The following TGIF1 variants were observed in gnomAD, a reference collection of about 807,000 sequenced individuals.
The protein encoded by TGIF1 is TGFB induced factor homeobox 1, also known as homeobox protein TGIF1.
A neutral mutation model predicts 19.3 loss-of-function variants in TGIF1; 4 were observed. The ratio of observed to expected loss-of-function variants is 0.21; its 90% CI spans 0.10 to 0.47. The LOEUF (loss-of-function observed/expected upper bound fraction) is 0.47, where lower values mean the gene tolerates loss of function less well. Ranked by LOEUF, TGIF1 falls within the 20% of genes least tolerant of loss-of-function variation. The pLI, the probability that TGIF1 is intolerant of heterozygous loss-of-function variation, is 0.98. For synonymous variants in TGIF1, 122 were observed against 129.3 expected (o/e 0.94, Z 0.38); for missense variants, 275 against 341.4 (o/e 0.81, Z 1.53).
chr18:3,451,485 T>C lies in TGIF1; in HGVS notation c.16+980T>C. ...CTGTGGGCTGGAGGTGGCGTTTCTGTCGTGATTTATGTGGAGTGGTTCAAA... is the reference window on the plus strand; with the variant it reads ...CTGTGGGCTGGAGGTGGCGTTTCTGCCGTGATTTATGTGGAGTGGTTCAAA... On this transcript the variant is annotated intron_variant, in intron 1 of 2. Coordinates refer to ENST00000343820, the MANE Select transcript of TGIF1 (RefSeq NM_003244.4). This position sits in a 1 kb window ranked among gnomAD's most constrained non-coding sequence, Gnocchi z 5.4. 1 of 988,206 alleles carries C rather than the reference T, an allele frequency of 1.0e-6. No homozygotes were observed. The highest frequency in any genetic ancestry group is 1.2e-6 in the Non-Finnish European group (1 of 831,974). The allele number at this position is 988,206 out of a possible 1,614,324, so 61.2% of individuals were successfully genotyped here. A position where few individuals can be genotyped will look rare whatever the true frequency, so the allele number is the denominator to read the frequency against.
At chr18:3,440,152 A>G (rs575976337) in intron 2 of TGIF1, among the ~76,000 whole-genome samples, 1 of 152,202 alleles carries the variant, frequency 6.6e-6, no homozygotes, top group South Asian at 2.1e-4. Flanking sequence ...GAAGTTTGAG[A>G]CCAGGCTGGC....
At position 3,420,982 on chromosome 18, in the gene TGIF1, C is replaced by T. The variant is rs542009573; in HGVS notation, c.-45+2767C>T. On this transcript the variant is annotated intron_variant, in intron 2 of 3. Transcript: ENST00000401449. The stretch of plus-strand genomic sequence containing the variant: ...ATGGGATGTGAGGAGAAATTATATA[C>T]AGTCATGTACCTCATAACATTTTGG... 4.6e-5 allele frequency among the ~76,000 whole-genome samples: 7 copies of T among 152,232 alleles called. No homozygotes were observed. In the South Asian group the frequency reaches 1.4e-3, roughly 32 times the overall value.
In TGIF1 at chr18:3,458,149, T is replaced by A; in HGVS notation, c.*209T>A. ...CTGTAGAAACAAAGGGTTTTCTTTT[T>A]TAAATGTTTCTTGGTAGATTATTCA... On this transcript the variant is annotated 3_prime_UTR_variant, in exon 3 of 3. Coordinates refer to ENST00000343820, the MANE Select transcript of TGIF1 (RefSeq NM_003244.4). The A allele has an allele frequency of 1.8e-6, 1 of 555,974 alleles. No individual in the cohort carries two copies. The highest frequency in any genetic ancestry group is 2.4e-5 in the South Asian group (1 of 41,678). 34.4% of individuals were successfully genotyped at this position (555,974 alleles called of 1,614,324 possible).
At chr18:3,428,492 C>T (rs2082502815) in intron 2 of TGIF1, among the ~76,000 whole-genome samples, 1 of 152,018 alleles carries the variant, frequency 6.6e-6, no homozygotes, top group Non-Finnish European at 1.5e-5. Flanking sequence ...AATCCCAGCA[C>T]TTTAGGAGGC....
intron 2 of TGIF1, among the ~76,000 whole-genome samples, chr18:3,439,697 G>A (rs1401685107): frequency 1.3e-5 from 2 of 151,888 alleles, no homozygotes; most frequent in East Asian, 3.9e-4. Context: ...TGTGTGAATT[G>A]TTGCCTGTCT....
At chr18:3,423,606 C>G (rs2143150507) in intron 2 of TGIF1, among the ~76,000 whole-genome samples, 1 of 152,180 alleles carries the variant, frequency 6.6e-6, no homozygotes, top group African/African-American at 2.4e-5. Flanking sequence ...TGTCGTGAAC[C>G]CAGGAGGCGG....
intron 2 of TGIF1, among the ~76,000 whole-genome samples, chr18:3,423,648 C>T (rs376180498): frequency 6.6e-6 from 1 of 151,720 alleles, no homozygotes; most frequent in Non-Finnish European, 1.5e-5. Context: ...GCGCCACTGC[C>T]CTCCAGCCTG....
At chr18:3,419,357 C>T (rs1401289582) in intron 2 of TGIF1, among the ~76,000 whole-genome samples, 1 of 152,154 alleles carries the variant, frequency 6.6e-6, no homozygotes, top group African/African-American at 2.4e-5. Flanking sequence ...GTTGGTCCCC[C>T]ATTCGACAGA....
intron 2 of TGIF1, among the ~76,000 whole-genome samples, chr18:3,438,781 T>A (rs1026244273): frequency 2.0e-5 from 3 of 152,152 alleles, no homozygotes; most frequent in East Asian, 1.9e-4. Context: ...GTCTGACCGG[T>A]GCAAACAGAA....
upstream of TGIF1, chr18:3,448,696 G>A (rs1304671477): frequency 2.6e-6 from 2 of 755,848 alleles, no homozygotes; most frequent in African/African-American, 2.1e-5. Flanking sequence ...TGGCCTCCAC[G>A]CATTCTAGGG....
At position 3,423,548 on chromosome 18, in the gene TGIF1, T is replaced by G. The variant is rs530503060; in HGVS notation, c.-45+5333T>G. On this transcript the variant is annotated intron_variant, in intron 2 of 3. Coordinates refer to the TGIF1 transcript ENST00000401449. ...TACAAAAAATTAGCCGGGCTTGGTG[T>G]CGGGCGCCTGTGATCCCAGCTACTC... Among the ~76,000 whole-genome samples the G allele has an allele frequency of 1.7e-4, 26 of 151,950 alleles. 1 individual carries two copies. In the South Asian group the frequency reaches 3.8e-3, roughly 22 times the overall value.
In TGIF1 at chr18:3,420,762, G is replaced by GGCCCTTA. The variant is rs1212073244; in HGVS notation, c.-45+2556_-45+2562dup. Among the ~76,000 whole-genome samples, 18 of 152,328 alleles carry GGCCCTTA rather than the reference G, an allele frequency of 1.2e-4. No individual in the cohort carries two copies. In the South Asian group the frequency reaches 3.3e-3, roughly 28 times the overall value. ...ATCTTGGAAGACAGTTCACATGTCA[G>GGCCCTTA]GCCCTTAGCCCTTAGTTCTAGGAGG... is the stretch of plus-strand genomic sequence containing the variant. On this transcript the variant is annotated intron_variant, in intron 2 of 3. Transcript: ENST00000401449.
At chr18:3,426,916 CTTTTTTTTTTTTT>C (rs545236407) in intron 2 of TGIF1, among the ~76,000 whole-genome samples, 2 of 100,088 alleles carry the variant, frequency 2.0e-5, no homozygotes, top group African/African-American at 4.0e-5. Flanking sequence ...AGGATGATCT[CTTTTTTTTTTTTT>C]TTTTTTTTTT....
intron 2 of TGIF1, among the ~76,000 whole-genome samples, chr18:3,419,119 G>A (rs950487342): frequency 3.3e-5 from 5 of 151,956 alleles, no homozygotes; most frequent in Admixed American, 3.3e-4. Context: ...TTCTGGCACA[G>A]GAATAAATAA....
rs1015007948 is a variant in TGIF1, at chr18:3,458,481, G to A, written c.*541G>A. 6.1e-6 allele frequency: 1 copy of A among 163,600 alleles called. No homozygotes were observed. The highest frequency in any genetic ancestry group is 1.8e-4 in the East Asian group (1 of 5,490). The allele number at this position is 163,600 out of a possible 1,614,324, so 10.1% of individuals were successfully genotyped here. ...AAATAAGTAGGAATATAGCACCCCAGTGAGCAGGAAGCTGGGGGGGTAGGG... is the reference window on the plus strand; with the variant it reads ...AAATAAGTAGGAATATAGCACCCCAATGAGCAGGAAGCTGGGGGGGTAGGG... On this transcript the variant is annotated 3_prime_UTR_variant, in exon 3 of 3. Transcript: ENST00000343820.
intron 2 of TGIF1, among the ~76,000 whole-genome samples, chr18:3,422,847 C>T (rs753336209): frequency 5.9e-5 from 9 of 151,896 alleles, no homozygotes; most frequent in African/African-American, 9.7e-5. Context: ...CCCGCCACCA[C>T]GCCCAGCTAA....
intron 2 of TGIF1, among the ~76,000 whole-genome samples, chr18:3,437,261 G>A (rs917203221): frequency 1.3e-5 from 2 of 152,066 alleles, no homozygotes; most frequent in Non-Finnish European, 1.5e-5. Context: ...GGAGGTGTGC[G>A]AGCATGGGGG....
At position 3,451,643 on chromosome 18, in the gene TGIF1, A is replaced by G; in HGVS notation, c.16+1138A>G. The G allele has an allele frequency of 8.9e-7, 1 of 1,123,452 alleles. No individual in the cohort carries two copies. The highest frequency in any genetic ancestry group is 4.7e-5 in the East Asian group (1 of 21,306). The allele number at this position is 1,123,452 out of a possible 1,614,324, so 69.6% of individuals were successfully genotyped here. A position where few individuals can be genotyped will look rare whatever the true frequency, so the allele number is the denominator to read the frequency against. ...CGGGGCGTTCCTGGGGGGTAGCCTCAAGGCCAGCGGGGTTCCTTCGGCTGC... is the reference window on the plus strand; with the variant it reads ...CGGGGCGTTCCTGGGGGGTAGCCTCGAGGCCAGCGGGGTTCCTTCGGCTGC... On this transcript the variant is annotated intron_variant, in intron 1 of 2. Transcript: ENST00000343820. The surrounding 1 kb of genome is among the most constrained non-coding windows in gnomAD (Gnocchi z 5.4).
In TGIF1 at chr18:3,456,420, C is replaced by G. The variant is rs121909066; in HGVS notation, c.83C>G (p.Ser28Cys). The G allele has an allele frequency of 1.2e-4, 199 of 1,614,136 alleles. No homozygotes were observed. Among genetic ancestry groups the G allele is most frequent in the Non-Finnish European group, 1.7e-4 (195 of 1,180,052 alleles). ...AGCATGGACATTCCCTTGGACCTTT[C>G]TTCATCCGCTGGCTCAGGCAAGAGA... ...EDSMDIPLDL[S>C]SSAGSGKRRR... The change falls in exon 2 of 3, where the codon TCT (serine) becomes TGT (cysteine). Residue 28 changes from serine to cysteine, a missense_variant. Transcript: ENST00000343820. This position sits in a 1 kb window ranked among gnomAD's most constrained non-coding sequence, Gnocchi z 4.2.
Sources: gnomAD v4.1 joint callset for allele counts (sites outside exome capture counted in the v4.1 genomes callset) on GRCh38, gnomAD v4.1.1 for gene constraint, Gnocchi (gnomAD v3.1) non-coding constraint, MANE v1.5 for transcripts, NCBI Gene and HGNC (gene_info 2026-07-23, HGNC 2026-07-21) for gene names.